FGD4: variants seen among roughly 807,000 people sequenced by gnomAD.
The protein encoded by FGD4 is FYVE, RhoGEF and PH domain-containing protein 4.
A neutral mutation model predicts 102.0 loss-of-function variants in FGD4; 42 were observed. The ratio of observed to expected loss-of-function variants is 0.41; its 90% CI spans 0.32 to 0.53. FGD4 has a LOEUF of 0.53. Ranked by LOEUF, FGD4 falls within the 20% of genes least tolerant of loss-of-function variation. The probability of loss-of-function intolerance (pLI) is 0.21; values close to 1 mark genes in which losing one functional copy is unlikely to be tolerated. For missense variants in FGD4, 902 were observed against 1,078.2 expected (o/e 0.84, Z 2.29); for synonymous variants, 380 against 375.7 (o/e 1.01, Z -0.13).
chr12:32,570,910 A>T (rs1347483229), intron 2 of FGD4, among the ~76,000 whole-genome samples: 1 of 152,190 alleles, frequency 6.6e-6, no homozygotes, highest in African/African-American at 2.4e-5. Context: ...GGGCATTCTT[A>T]TATTTTGAAA....
chr12:32,561,474 GT>G (rs1944589287), intron 1 of FGD4, among the ~76,000 whole-genome samples: 1 of 152,016 alleles, frequency 6.6e-6, no homozygotes. Flanking sequence ...AGTTGATTGG[GT>G]TTTTTAAAAA....
At chr12:32,457,958 T>C (rs1942989295) in intron 1 of FGD4, among the ~76,000 whole-genome samples, 1 of 152,178 alleles carries the variant, frequency 6.6e-6, no homozygotes, top group African/African-American at 2.4e-5. Context: ...TTGTTTTCTT[T>C]TAATTAGGTA....
At chr12:32,523,040 G>C (rs1940716595) in intron 1 of FGD4, among the ~76,000 whole-genome samples, 2 of 152,186 alleles carry the variant, frequency 1.3e-5, no homozygotes, top group East Asian at 3.9e-4. Context: ...AGGAAGGAGA[G>C]CATGAACTGA....
intron 1 of FGD4, among the ~76,000 whole-genome samples, chr12:32,482,542 G>A (rs958076014): frequency 2.6e-5 from 4 of 152,126 alleles, no homozygotes; most frequent in Admixed American, 6.6e-5. Flanking sequence ...ATTGCTGAGC[G>A]GACTGTAGGA....
chr12:32,544,400 A>C lies in FGD4; in HGVS notation c.167-19737A>C, dbSNP rs1270843209. Among the ~76,000 whole-genome samples the C allele has an allele frequency of 3.3e-5, 5 of 152,164 alleles. No homozygotes were observed. In the South Asian group the frequency reaches 1.0e-3, roughly 31 times the overall value. On this transcript the variant is annotated intron_variant, in intron 1 of 16. Transcript: ENST00000534526. This position sits in a 1 kb window ranked among gnomAD's most constrained non-coding sequence, Gnocchi z 4.1. ...AGCCGAGATGGTGCCACTGCACTCC[A>C]GCCTGGGTGACAAAGCAAGACTCTC...
rs144980336 is a variant in FGD4 at position 32,582,436 on chromosome 12, T to C, written c.980T>C (p.Leu327Pro). Residue 327 changes from leucine to proline, a missense_variant, in exon 4 of 17, where the codon CTG becomes CCG. Around this residue, in one of 2 missense-constraint regions of FGD4, gnomAD observed 443 missense variants for 459.2 expected, o/e 0.96. Transcript: ENST00000534526. ...ERENGESPLE[L>P]EQLDQHHEMK... Reference sequence around the variant, plus strand: ...GAAAATGGGGAAAGCCCTCTGGAACTGGAGCAGCTGGACCAGCACCATGAG... The same window carrying C: ...GAAAATGGGGAAAGCCCTCTGGAACCGGAGCAGCTGGACCAGCACCATGAG... 6.2e-7 allele frequency: 1 copy of C among 1,612,228 alleles called. No individual in the cohort carries two copies. The highest frequency in any genetic ancestry group is 8.5e-7 in the Non-Finnish European group (1 of 1,180,006).
Position 32,399,758 on chromosome 12 carries a change from G to A in FGD4, c.-36G>A. ...GGGCCGCTCGCGGCTGGACGGGAGC[G>A]GGAGGAGTCGGGGAGCGGCGGTCGA... On this transcript the variant is annotated 5_prime_UTR_variant, in exon 1 of 17. Coordinates refer to ENST00000534526, the MANE Select transcript of FGD4 (RefSeq NM_001370298.3). The A allele has an allele frequency of 1.3e-6, 2 of 1,524,790 alleles. No individual in the cohort carries two copies. Among genetic ancestry groups the A allele is most frequent in the Non-Finnish European group, 1.7e-6 (2 of 1,143,172 alleles). 94.5% of individuals were successfully genotyped at this position (1,524,790 alleles called of 1,614,324 possible). A position where few individuals can be genotyped will look rare whatever the true frequency, so the allele number is the denominator to read the frequency against.
chr12:32,475,102 G>A (rs1387575670), intron 1 of FGD4, among the ~76,000 whole-genome samples: 1 of 152,116 alleles, frequency 6.6e-6, no homozygotes, highest in Non-Finnish European at 1.5e-5. Context: ...TATCCTTGTT[G>A]AGGAACTAGT....
intron 1 of FGD4, among the ~76,000 whole-genome samples, chr12:32,545,568 T>A (rs942741711): frequency 6.6e-6 from 1 of 152,246 alleles, no homozygotes; most frequent in African/African-American, 2.4e-5. Context: ...AATGAATGTG[T>A]ATTCTAGTAA....
chr12:32,453,222 T>TATATATATATTTTAA (rs1942849857), intron 1 of FGD4, among the ~76,000 whole-genome samples: 1 of 48,306 alleles, frequency 2.1e-5, no homozygotes, highest in Non-Finnish European at 3.7e-5. Flanking sequence ...ATATATATAA[T>TATATATATATTTTAA]ATAGATATAT....
At chr12:32,552,944 A>ATTTTTTTTTTT (rs71068326) in intron 1 of FGD4, among the ~76,000 whole-genome samples, 52 of 123,876 alleles carry the variant, frequency 4.2e-4, no homozygotes, top group Middle Eastern at 4.7e-3. Flanking sequence ...CGCCTGGCTA[A>ATTTTTTTTTTT]TTTTTTTTTT....
chr12:32,412,943 G>A, intron 1 of FGD4, among the ~76,000 whole-genome samples: 1 of 128,248 alleles, frequency 7.8e-6, no homozygotes, highest in East Asian at 2.3e-4. Context: ...AGCCATGGTG[G>A]TGCATGCCTG....
intron 1 of FGD4, among the ~76,000 whole-genome samples, chr12:32,520,424 G>A (rs1037064993): frequency 2.3e-4 from 26 of 114,686 alleles, no homozygotes; most frequent in African/African-American, 8.2e-4. Flanking sequence ...TTCTATTGTG[G>A]GTTTTTTTGT....
At chr12:32,450,476 G>A (rs1942744237) in intron 1 of FGD4, among the ~76,000 whole-genome samples, 1 of 152,068 alleles carries the variant, frequency 6.6e-6, no homozygotes, top group Non-Finnish European at 1.5e-5. Context: ...GCTGGCTTCT[G>A]TTCTCTTTTG....
intron 1 of FGD4, among the ~76,000 whole-genome samples, chr12:32,536,954 C>T (rs541635718): frequency 1.0e-4 from 15 of 149,582 alleles, no homozygotes; most frequent in African/African-American, 3.0e-4. Flanking sequence ...GACAGAGTCT[C>T]GCTCTGTCAC....
chr12:32,446,667 C>T (rs1308018694), intron 1 of FGD4, among the ~76,000 whole-genome samples: 1 of 152,160 alleles, frequency 6.6e-6, no homozygotes, highest in East Asian at 1.9e-4. Context: ...TTTGCTGTTT[C>T]CTCAAGTGCC....
intron 1 of FGD4, among the ~76,000 whole-genome samples, chr12:32,562,866 C>A (rs1354745887): frequency 6.6e-6 from 1 of 152,022 alleles, no homozygotes; most frequent in Non-Finnish European, 1.5e-5. Flanking sequence ...CCCCACCTTT[C>A]CCCCCTTTCT....
In FGD4 at chr12:32,641,541, T is replaced by A. The variant is rs1951156452; in HGVS notation, c.*1008T>A. ...CAAAGTCATACAGGTTATTTTACCG[T>A]TTACAATCCTATAATTATTGCAGTA... is the stretch of plus-strand genomic sequence containing the variant. On this transcript the variant is annotated 3_prime_UTR_variant, in exon 17 of 17. Coordinates refer to ENST00000534526, the MANE Select transcript of FGD4 (RefSeq NM_001370298.3). The A allele has an allele frequency of 6.6e-6, 1 of 152,202 alleles. No individual in the cohort carries two copies. Among genetic ancestry groups the A allele is most frequent in the Non-Finnish European group, 1.5e-5 (1 of 68,020 alleles). The allele number at this position is 152,202 out of a possible 1,614,324, so 9.4% of individuals were successfully genotyped here.
rs758013482 is a variant in FGD4, at chr12:32,633,687, G to A, written c.2311G>A (p.Glu771Lys). The change falls in exon 15 of 17, where the codon GAG becomes AAG. Residue 771 changes from glutamate (E) to lysine (K), a missense_variant and splice_region_variant. Around this residue, in one of 2 missense-constraint regions of FGD4, gnomAD observed 459 missense variants for 619.0 expected, o/e 0.74. Coordinates refer to ENST00000534526, the MANE Select transcript of FGD4 (RefSeq NM_001370298.3). ...SEEKKRKGIL[E>K]IESAEVSGNS... is the part of the protein sequence containing the mutation. ...AGAAAAGAAAAGAAAAGGAATTTTA[G>A]AGGTAAGAAATATTAAATATTGGAT... The A allele has an allele frequency of 6.3e-7, 1 of 1,590,384 alleles. No homozygotes were observed. The highest frequency in any genetic ancestry group is 8.6e-7 in the Non-Finnish European group (1 of 1,159,404).
Sources: gnomAD v4.1 joint callset for allele counts (sites outside exome capture counted in the v4.1 genomes callset) on GRCh38, gnomAD v4.1.1 for gene constraint, gnomAD v4.1.1 regional missense constraint, Gnocchi (gnomAD v3.1) non-coding constraint, MANE v1.5 for transcripts, NCBI Gene and HGNC (gene_info 2026-07-23, HGNC 2026-07-21) for gene names.